The following NCAM2 variants were observed in gnomAD, a reference collection of about 807,000 sequenced individuals.
The protein encoded by NCAM2 is N-CAM-2.
A neutral mutation model predicts 98.1 loss-of-function variants in NCAM2; 30 were observed. The observed-to-expected ratio is 0.31, with a 90% confidence interval of 0.23 to 0.41. The LOEUF (loss-of-function observed/expected upper bound fraction) is 0.41, where lower values mean the gene tolerates loss of function less well. Ranked by LOEUF, NCAM2 falls within the 10% of genes least tolerant of loss-of-function variation. The pLI is 1.00. For synonymous variants in NCAM2, 368 were observed against 342.4 expected (o/e 1.07, Z -0.83); for missense variants, 867 against 1,005.8 (o/e 0.86, Z 1.87).
chr21:21,242,494 T>A (rs2147244947), intron 1 of NCAM2, among the ~76,000 whole-genome samples: 1 of 152,332 alleles, frequency 6.6e-6, no homozygotes. Flanking sequence ...CGTTTCCCAA[T>A]CACCTGTGTT....
intron 1 of NCAM2, among the ~76,000 whole-genome samples, chr21:21,007,489 C>T (rs2064133202): frequency 6.6e-6 from 1 of 152,104 alleles, no homozygotes; most frequent in Admixed American, 6.5e-5. Flanking sequence ...ATTTTTTGTT[C>T]TTCATTATAT....
At chr21:21,406,053 C>A (rs2076731836) in intron 9 of NCAM2, among the ~76,000 whole-genome samples, 1 of 152,130 alleles carries the variant, frequency 6.6e-6, no homozygotes, top group Admixed American at 6.6e-5. Flanking sequence ...ATCAAGCTTT[C>A]TTTTTAAACA....
At chr21:21,269,577 G>T (rs1435336335) in intron 1 of NCAM2, among the ~76,000 whole-genome samples, 1 of 152,088 alleles carries the variant, frequency 6.6e-6, no homozygotes, top group Non-Finnish European at 1.5e-5. Context: ...TTAAAGAAGG[G>T]TATGCCTTTA....
At chr21:21,314,752 C>T (rs368590770) in intron 5 of NCAM2, among the ~76,000 whole-genome samples, 1 of 140,812 alleles carries the variant, frequency 7.1e-6, no homozygotes, top group African/African-American at 2.8e-5. Context: ...TCAGCACATC[C>T]ATGAATTTTG....
intron 1 of NCAM2, among the ~76,000 whole-genome samples, chr21:21,065,072 C>T (rs1475339498): frequency 6.6e-6 from 1 of 151,938 alleles, no homozygotes; most frequent in Non-Finnish European, 1.5e-5. Flanking sequence ...ACCAGCTATT[C>T]AGGAGCCTGA....
rs139766413 is a variant in NCAM2 at position 21,153,335 on chromosome 21, A to G, written c.56-127243A>G. Among the ~76,000 whole-genome samples, 483 of 151,802 alleles carry G rather than the reference A, an allele frequency of 3.2e-3. 3 individuals carry two copies. Among genetic ancestry groups the G allele is most frequent in the African/African-American group, 0.011 (452 of 41,416 alleles). On this transcript the variant is annotated intron_variant, in intron 1 of 17. Transcript: ENST00000400546. ...GAAGCTCCCTGGAATCTGCATGTCC[A>G]AATGTCTTCTTTATATGCTGTCAGT...
chr21:21,273,161 C>A (rs925634645), intron 1 of NCAM2, among the ~76,000 whole-genome samples: 1 of 152,156 alleles, frequency 6.6e-6, no homozygotes, highest in African/African-American at 2.4e-5. Flanking sequence ...GTAGCAATGA[C>A]ACAATCCTTT....
intron 5 of NCAM2, among the ~76,000 whole-genome samples, chr21:21,296,483 G>T (rs2073484097): frequency 6.6e-6 from 1 of 151,738 alleles, no homozygotes; most frequent in East Asian, 1.9e-4. Context: ...ACAGGAATAA[G>T]AACAATGGTG....
At chr21:21,473,782 T>C (rs1984788755) in intron 14 of NCAM2, among the ~76,000 whole-genome samples, 1 of 151,882 alleles carries the variant, frequency 6.6e-6, no homozygotes, top group Non-Finnish European at 1.5e-5. Context: ...CCTTACACCT[T>C]GCCTCTAATC....
intron 9 of NCAM2, among the ~76,000 whole-genome samples, chr21:21,401,579 G>T (rs1046225000): frequency 3.3e-5 from 5 of 152,000 alleles, no homozygotes; most frequent in Admixed American, 1.3e-4. Context: ...TTCTGTGCCT[G>T]GTTTATTTCA....
chr21:21,500,407 G>C (rs1398999167), intron 15 of NCAM2, among the ~76,000 whole-genome samples: 3 of 152,074 alleles, frequency 2.0e-5, no homozygotes, highest in African/African-American at 4.8e-5. Flanking sequence ...GGCCCCACCT[G>C]GTGTGATGCA....
chr21:21,307,476 A>T (rs1185856849), intron 5 of NCAM2, among the ~76,000 whole-genome samples: 2 of 152,176 alleles, frequency 1.3e-5, no homozygotes, highest in East Asian at 3.8e-4. Context: ...AGAAATTAAT[A>T]ATTAGGTCAG....
At chr21:21,298,906 A>G (rs2073598740) in intron 5 of NCAM2, among the ~76,000 whole-genome samples, 1 of 151,170 alleles carries the variant, frequency 6.6e-6, no homozygotes, top group Admixed American at 6.6e-5. Context: ...TTCTGAATTT[A>G]TCTGTTTCAA....
chr21:21,214,746 T>TATATATATATATATATATATATATACAC (rs11268201), intron 1 of NCAM2, among the ~76,000 whole-genome samples: 9 of 100,598 alleles, frequency 8.9e-5, no homozygotes, highest in East Asian at 5.4e-4. Flanking sequence ...TATATATATA[T>TATATATATATATATATATATATATACAC]ACACTATATA....
At chr21:21,453,596 G>A (rs1981672155) in intron 12 of NCAM2, among the ~76,000 whole-genome samples, 1 of 152,060 alleles carries the variant, frequency 6.6e-6, no homozygotes, top group South Asian at 2.1e-4. Context: ...ATCATTTTGA[G>A]TAGGGAACAA....
chr21:21,172,688 C>G (rs2068162705), intron 1 of NCAM2, among the ~76,000 whole-genome samples: 1 of 152,104 alleles, frequency 6.6e-6, no homozygotes, highest in Non-Finnish European at 1.5e-5. Context: ...TCAATTTTAT[C>G]TAGAGCTGCA....
chr21:21,252,507 A>C (rs2071512017), intron 1 of NCAM2, among the ~76,000 whole-genome samples: 1 of 151,942 alleles, frequency 6.6e-6, no homozygotes, highest in Admixed American at 6.6e-5. Flanking sequence ...TCAATTATAG[A>C]ATATGCCAAA....
In NCAM2 at chr21:21,235,753, A is replaced by G. The variant is rs191308259; in HGVS notation, c.56-44825A>G. On this transcript the variant is annotated intron_variant, in intron 1 of 17. Transcript: ENST00000400546. ...AAATTCACTCCTCCATCTGTGCACA[A>G]TTGTTGACCAATACCCTGAATTCAG... Among the ~76,000 whole-genome samples, 6 of 152,094 alleles carry G rather than the reference A, an allele frequency of 3.9e-5. No homozygotes were observed. The East Asian group carries it at 1.2e-3, about 29-fold the overall frequency.
intron 16 of NCAM2, among the ~76,000 whole-genome samples, chr21:21,526,522 A>G (rs944266595): frequency 6.6e-6 from 1 of 152,148 alleles, no homozygotes; most frequent in Non-Finnish European, 1.5e-5. Flanking sequence ...ATGGATAGAA[A>G]GACTCAATAT....
Sources: gnomAD v4.1 joint callset for allele counts (sites outside exome capture counted in the v4.1 genomes callset) on GRCh38, gnomAD v4.1.1 for gene constraint, MANE v1.5 for transcripts, NCBI Gene and HGNC (gene_info 2026-07-23, HGNC 2026-07-21) for gene names.